DOCK2: variants seen among roughly 807,000 people sequenced by gnomAD.
The protein encoded by DOCK2 is dedicator of cytokinesis 2.
In DOCK2, 87 loss-of-function variants were observed where a neutral mutation model predicts 248.9. The ratio of observed to expected loss-of-function variants is 0.35; its 90% confidence interval spans 0.29 to 0.42. DOCK2 has a LOEUF of 0.42. Among genes scored for constraint, DOCK2 ranks in the 10% least tolerant of loss-of-function variants. The probability of loss-of-function intolerance (pLI) is 1.00; values close to 1 mark genes in which losing one functional copy is unlikely to be tolerated. For synonymous variants in DOCK2, 805 were observed against 821.6 expected, an observed-to-expected ratio of 0.98 and a Z score of 0.35; for missense variants, 1,747 against 2,300.2, an observed-to-expected ratio of 0.76 and a Z score of 4.92.
In DOCK2 at chr5:169,681,853, A is replaced by G. The variant is rs147299638; in HGVS notation, c.580A>G (p.Ile194Val). The G allele has an allele frequency of 3.7e-5, 59 of 1,613,948 alleles. No homozygotes were observed. The highest frequency in any genetic ancestry group is 4.6e-5 in the Non-Finnish European group (54 of 1,179,966). ...FHAHEEATDKITERIKEEMSK... is the reference protein window; with the variant it reads ...FHAHEEATDKVTERIKEEMSK... ...TGCACATGAGGAAGCAACTGATAAA[A>G]TCACAGAGCGTATCAAAGAAGAAAT... Residue 194 changes from isoleucine to valine, a missense_variant, in exon 7 of 52, where the codon ATC becomes GTC. Transcript: ENST00000520908.
intron 51 of DOCK2, 136 bp from the exon 52 acceptor site, chr5:170,082,660 G>A (rs56105279): frequency 0.22 from 247,529 of 1,111,672 alleles, 34,873 homozygotes; most frequent in African/African-American, 0.58. Flanking sequence ...AAAGCCAAGG[G>A]CATAGCAGCT....
intron 26 of DOCK2, among the ~76,000 whole-genome samples, chr5:169,813,462 AT>A (rs201049574): frequency 9.9e-5 from 15 of 152,078 alleles, no homozygotes; most frequent in Non-Finnish European, 1.9e-4. Context: ...CCAGGACTTT[AT>A]TTTTTTCTTT....
chr5:169,945,683 C>T (rs77468547), intron 27 of DOCK2, among the ~76,000 whole-genome samples: 3 of 152,168 alleles, frequency 2.0e-5, no homozygotes, highest in Non-Finnish European at 4.4e-5. Flanking sequence ...AGGAGTAGAA[C>T]GGAGGCTGGA....
At chr5:169,997,908 T>C in intron 30 of DOCK2, 1 of 456,328 alleles carries the variant, frequency 2.2e-6, no homozygotes, top group South Asian at 1.5e-5. Context: ...AGGCAAGGCC[T>C]GGACTGTATC....
chr5:169,675,950 TA>T (rs1393129413), intron 6 of DOCK2, among the ~76,000 whole-genome samples: 1 of 152,206 alleles, frequency 6.6e-6, no homozygotes, highest in Non-Finnish European at 1.5e-5. Context: ...CACATCATCC[TA>T]AAGTGACAGG....
rs142837174 is a variant in DOCK2, at chr5:169,782,280, C to T, written c.2554+20655C>T. Among the ~76,000 whole-genome samples, 514 of 152,132 alleles carry T rather than the reference C, an allele frequency of 3.4e-3. 1 individual carries two copies. The highest frequency in any genetic ancestry group is 5.8e-3 in the Non-Finnish European group (393 of 68,004). On this transcript the variant is annotated intron_variant, in intron 25 of 51. Coordinates refer to ENST00000520908, the MANE Select transcript of DOCK2 (RefSeq NM_004946.3). Reference sequence around the variant, plus strand: ...CCTCTTCTAGTTTATCAGGAGATAGCCACATACATCAAGAGACAGACCCTG... The same window carrying T: ...CCTCTTCTAGTTTATCAGGAGATAGTCACATACATCAAGAGACAGACCCTG...
intron 44 of DOCK2, among the ~76,000 whole-genome samples, chr5:170,059,602 T>C (rs1012499752): frequency 2.3e-4 from 35 of 152,344 alleles, no homozygotes; most frequent in Admixed American, 7.8e-4. Flanking sequence ...ATATTAAATA[T>C]AACAGTAGAC....
At chr5:169,973,023 C>T (rs539727102) in intron 27 of DOCK2, among the ~76,000 whole-genome samples, 17 of 152,242 alleles carry the variant, frequency 1.1e-4, no homozygotes, top group African/African-American at 3.6e-4. Flanking sequence ...CTGGATGATA[C>T]GTTTGGCTTG....
At chr5:170,077,930 A>C in intron 48 of DOCK2, 93 bp downstream of exon 48, 1 of 1,034,792 alleles carries the variant, frequency 9.7e-7, no homozygotes. Flanking sequence ...CATCCCTTCT[A>C]CCTTTCCCTT....
chr5:169,646,719 A>G (rs1757492388), intron 1 of DOCK2, among the ~76,000 whole-genome samples: 1 of 152,366 alleles, frequency 6.6e-6, no homozygotes, highest in East Asian at 1.9e-4. Context: ...GCAGTTCTGC[A>G]TTGTAATGTC....
chr5:169,664,210 A>G (rs1302226137), intron 2 of DOCK2, among the ~76,000 whole-genome samples: 9 of 152,360 alleles, frequency 5.9e-5, no homozygotes, highest in Middle Eastern at 6.8e-3. Flanking sequence ...TTGCCAAAGC[A>G]TAGCTAGAGT....
intron 26 of DOCK2, among the ~76,000 whole-genome samples, chr5:169,826,997 C>T (rs1768905130): frequency 6.9e-6 from 1 of 145,202 alleles, no homozygotes; most frequent in South Asian, 2.2e-4. Flanking sequence ...CCTCAGAATC[C>T]AGGACAGAGC....
intron 25 of DOCK2, among the ~76,000 whole-genome samples, chr5:169,769,993 C>G (rs2113766898): frequency 6.6e-6 from 1 of 152,298 alleles, no homozygotes; most frequent in Non-Finnish European, 1.5e-5. Flanking sequence ...AGAGGCTGGT[C>G]TGTGGACCTC....
At chr5:169,917,139 CT>C (rs1774919195) in intron 27 of DOCK2, among the ~76,000 whole-genome samples, 1 of 152,130 alleles carries the variant, frequency 6.6e-6, no homozygotes, top group Admixed American at 6.5e-5. Context: ...AAAAGACAAC[CT>C]TTTTTAGTGA....
At position 169,668,565 on chromosome 5, in the gene DOCK2, TC is replaced by T. The variant is rs2113274018; in HGVS notation, c.128-721del. Among the ~76,000 whole-genome samples, 2 of 152,316 alleles carry T rather than the reference TC, an allele frequency of 1.3e-5. 1 individual carries two copies. Among genetic ancestry groups the T allele is most frequent in the South Asian group, 4.1e-4 (2 of 4,828 alleles). On this transcript the variant is annotated intron_variant, in intron 2 of 51. Coordinates refer to ENST00000520908, the MANE Select transcript of DOCK2 (RefSeq NM_004946.3). ...TATTTACAAAGATGACAAATGCCAC[TC>T]CTTGGCTGTGTTGGAATCATTTCAA... is the stretch of plus-strand genomic sequence containing the variant.
chr5:169,719,614 C>T (rs1762085099), intron 22 of DOCK2, among the ~76,000 whole-genome samples: 1 of 152,186 alleles, frequency 6.6e-6, no homozygotes, highest in Admixed American at 6.5e-5. Context: ...TTGGGATAGT[C>T]TCTGTCTGTC....
chr5:169,681,760 T>G lies in DOCK2; in HGVS notation c.487T>G (p.Leu163Val). ...GCTTTACAGAATCCTTGAGCTTGAT[T>G]TGATTGTCAGAGATGAAGACGGAAA... ...DYGNKILELD[L>V]IVRDEDGNIL... is the part of the protein sequence containing the mutation. The change falls in exon 7 of 52, where the codon TTG (leucine) becomes GTG (valine). Residue 163 changes from leucine to valine, a missense_variant. Physicochemically the swap from Leu to Val is conservative, Grantham distance 32. Around this residue, in one of 4 missense-constraint regions of DOCK2, gnomAD observed 375 missense variants for 510.9 expected, o/e 0.73. Transcript: ENST00000520908. 6.2e-7 allele frequency: 1 copy of G among 1,613,742 alleles called. No homozygotes were observed. The highest frequency in any genetic ancestry group is 8.5e-7 in the Non-Finnish European group (1 of 1,179,818).
At chr5:169,867,103 G>A (rs541853838) in intron 27 of DOCK2, among the ~76,000 whole-genome samples, 19 of 152,324 alleles carry the variant, frequency 1.2e-4, no homozygotes, top group African/African-American at 3.8e-4. Flanking sequence ...ACTTCCTTAC[G>A]TTTACTGGTG....
At chr5:169,691,428 A>G (rs1581042017) in intron 9 of DOCK2, among the ~76,000 whole-genome samples, 1 of 152,188 alleles carries the variant, frequency 6.6e-6, no homozygotes, top group African/African-American at 2.4e-5. Flanking sequence ...GAGCTAGCCA[A>G]TGAGTGCCTA....
Sources: gnomAD v4.1 joint callset for allele counts (sites outside exome capture counted in the v4.1 genomes callset) on GRCh38, gnomAD v4.1.1 for gene constraint, gnomAD v4.1.1 regional missense constraint, MANE v1.5 for transcripts, NCBI Gene and HGNC (gene_info 2026-07-23, HGNC 2026-07-21) for gene names.